Variants in CALN1 observed in about 807,000 individuals in gnomAD.
The protein encoded by CALN1 is calcium-binding protein 8.
Under a neutral mutation model 30.6 loss-of-function variants are expected in CALN1, and 17 were observed. The ratio of observed to expected loss-of-function variants is 0.56; its 90% confidence interval spans 0.38 to 0.83. The LOEUF is 0.83. Ranked by LOEUF, CALN1 falls within the 40% of genes least tolerant of loss-of-function variation. The pLI is 0.00. For synonymous variants in CALN1, 156 were observed against 131.4 expected (o/e 1.19, Z -1.28); for missense variants, 291 against 354.9 (o/e 0.82, Z 1.45).
intron 1 of CALN1, among the ~76,000 whole-genome samples, chr7:72,424,498 C>A (rs958241424): frequency 6.6e-6 from 1 of 152,158 alleles, no homozygotes; most frequent in South Asian, 2.1e-4. Context: ...CATTTCAAGA[C>A]CATCTCATAC....
chr7:72,468,182 A>G, the CALN1 span, among the ~76,000 whole-genome samples: 1 of 152,210 alleles, frequency 6.6e-6, no homozygotes, highest in Non-Finnish European at 1.5e-5. Context: ...CCTTTTAGCC[A>G]TTGTGAATAG....
At chr7:72,230,467 C>T (rs563107106) in intron 3 of CALN1, among the ~76,000 whole-genome samples, 5 of 150,162 alleles carry the variant, frequency 3.3e-5, no homozygotes, top group African/African-American at 7.4e-5. Flanking sequence ...ATGATCACGC[C>T]GCTGCACCCC....
intron 2 of CALN1, among the ~76,000 whole-genome samples, chr7:72,284,354 C>A (rs983497240): frequency 7.2e-5 from 11 of 152,136 alleles, no homozygotes; most frequent in African/African-American, 2.4e-4. Context: ...TGAAATGATG[C>A]CCTTTTGTGA....
intron 2 of CALN1, among the ~76,000 whole-genome samples, chr7:72,355,017 C>T (rs1435103811): frequency 6.6e-6 from 1 of 152,002 alleles, no homozygotes; most frequent in Admixed American, 6.5e-5. Context: ...TCAAGCCATC[C>T]TCTCAACTCA....
At chr7:71,942,818 A>G (rs1230433276) in intron 5 of CALN1, among the ~76,000 whole-genome samples, 2 of 152,184 alleles carry the variant, frequency 1.3e-5, no homozygotes, top group African/African-American at 2.4e-5. Context: ...GGAACTGCTT[A>G]GGGCAAACCT....
At chr7:71,794,489 C>T (rs1299414949) in intron 6 of CALN1, among the ~76,000 whole-genome samples, 2 of 152,164 alleles carry the variant, frequency 1.3e-5, no homozygotes, top group East Asian at 1.9e-4. Flanking sequence ...GACTTCTTCT[C>T]CTAATTGCCA....
chr7:72,411,999 GGC>G (rs1807196663), intron 1 of CALN1, 57 bp downstream of exon 1: 1 of 152,102 alleles, frequency 6.6e-6, no homozygotes, highest in South Asian at 2.1e-4. Context: ...TCCCAAACCT[GGC>G]CCAGCTGGGA....
At chr7:72,089,780 T>A (rs1164412435) in intron 4 of CALN1, among the ~76,000 whole-genome samples, 1 of 152,094 alleles carries the variant, frequency 6.6e-6, no homozygotes, top group Non-Finnish European at 1.5e-5. Context: ...AAATACAAAC[T>A]GTTGGAAGTA....
chr7:72,336,824 C>A (rs1042437267), intron 2 of CALN1: 2 of 985,172 alleles, frequency 2.0e-6, no homozygotes, highest in East Asian at 1.1e-4. Flanking sequence ...GCGGGCAGCG[C>A]TCAGCCTCTC....
chr7:72,410,658 AC>A (rs763021831), intron 1 of CALN1, among the ~76,000 whole-genome samples: 6 of 152,050 alleles, frequency 3.9e-5, no homozygotes, highest in Non-Finnish European at 7.3e-5. Flanking sequence ...AACACCCTAA[AC>A]CCTGGTTCTT....
intron 2 of CALN1, among the ~76,000 whole-genome samples, chr7:72,385,422 A>G (rs1054399955): frequency 6.6e-6 from 1 of 152,160 alleles, no homozygotes; most frequent in African/African-American, 2.4e-5. Flanking sequence ...AAGTGAACGG[A>G]TAACAAACTG....
At chr7:71,878,786 G>T (rs1428154069) in intron 5 of CALN1, among the ~76,000 whole-genome samples, 1 of 152,144 alleles carries the variant, frequency 6.6e-6, no homozygotes, top group African/African-American at 2.4e-5. Flanking sequence ...TTACAACTGT[G>T]CCAGTCAAAA....
At chr7:72,209,011 T>A (rs1792113814) in intron 3 of CALN1, among the ~76,000 whole-genome samples, 2 of 80,514 alleles carry the variant, frequency 2.5e-5, no homozygotes, top group African/African-American at 1.1e-4. Flanking sequence ...CCTCCTTCCC[T>A]CTTTCCTTCC....
At chr7:72,182,500 A>G (rs1273099379) in intron 3 of CALN1, among the ~76,000 whole-genome samples, 2 of 152,204 alleles carry the variant, frequency 1.3e-5, no homozygotes, top group Non-Finnish European at 2.9e-5. Context: ...AGAGCAGATT[A>G]CTTGAGGCCA....
chr7:71,802,978 C>A (rs577045913), intron 6 of CALN1, among the ~76,000 whole-genome samples: 1 of 151,878 alleles, frequency 6.6e-6, no homozygotes, highest in African/African-American at 2.4e-5. Flanking sequence ...GAGCTGAGAT[C>A]GCGCCACTGC....
intron 2 of CALN1, among the ~76,000 whole-genome samples, chr7:72,311,585 T>C (rs998464097): frequency 6.7e-6 from 1 of 149,596 alleles, no homozygotes; most frequent in Admixed American, 6.7e-5. Context: ...GCTCGAGCAA[T>C]CCTCCCACCT....
chr7:72,326,742 C>A (rs1801305989), intron 2 of CALN1, among the ~76,000 whole-genome samples: 1 of 152,180 alleles, frequency 6.6e-6, no homozygotes, highest in East Asian at 1.9e-4. Flanking sequence ...TTTCCTAATT[C>A]TTGGGTTTAC....
intron 5 of CALN1, among the ~76,000 whole-genome samples, chr7:71,988,047 C>T (rs1307202406): frequency 6.6e-6 from 1 of 152,062 alleles, no homozygotes; most frequent in Non-Finnish European, 1.5e-5. Context: ...AGCAAACAGT[C>T]TGCAGCAAGA....
intron 5 of CALN1, among the ~76,000 whole-genome samples, chr7:71,952,608 T>C (rs1462867306): frequency 6.6e-6 from 1 of 152,182 alleles, no homozygotes; most frequent in African/African-American, 2.4e-5. Flanking sequence ...AAGGAAGCCA[T>C]GGCTGCATTA....
Sources: allele counts gnomAD v4.1 joint callset (sites outside exome capture counted in the v4.1 genomes callset), GRCh38; gene constraint gnomAD v4.1.1; transcripts MANE v1.5; gene names NCBI Gene and HGNC (gene_info 2026-07-23, HGNC 2026-07-21).